Variants in COX15 observed in about 807,000 individuals in gnomAD.
COX15 encodes the protein heme A synthase COX15.
COX15 carries 51 observed loss-of-function variants against 51.9 expected under a neutral mutation model. The ratio of observed to expected loss-of-function variants is 0.98; its 90% CI spans 0.78 to 1.24. The LOEUF (loss-of-function observed/expected upper bound fraction) is 1.24. Ranked by LOEUF, COX15 falls within the 50% of genes most tolerant of loss-of-function variation. The pLI is 0.00. For missense variants in COX15, 420 were observed against 501.1 expected, an observed-to-expected ratio of 0.84 and a Z score of 1.55; for synonymous variants, 188 against 190.5, an observed-to-expected ratio of 0.99 and a Z score of 0.11.
chr10:99,704,796 C>T, the COX15 span: 2 of 990,566 alleles, frequency 2.0e-6, no homozygotes, highest in South Asian at 3.2e-5. Flanking sequence ...GGATATTTGC[C>T]CTTGGAATTT....
chr10:99,716,504 G>C (rs1356775961), intron 7 of COX15, 43 bp from the exon 8 acceptor site: 3 of 1,347,694 alleles, frequency 2.2e-6, no homozygotes, highest in Non-Finnish European at 3.2e-6. Context: ...AGAAGTGCCA[G>C]GTTTCTAACT....
At position 99,721,077 on chromosome 10, in the gene COX15, GA is replaced by G. The variant is rs781670775; in HGVS notation, c.751-10del. On this transcript the variant is annotated splice_polypyrimidine_tract_variant and intron_variant, in intron 5 of 8. Transcript: ENST00000016171. Reference sequence around the variant, plus strand: ...TGGTGGGTTTCAGGCAACTAAATATGAAAAAAAATCATTCAGTTAAACTGTG... The same window carrying G: ...TGGTGGGTTTCAGGCAACTAAATATGAAAAAAATCATTCAGTTAAACTGTG... 3.1e-6 allele frequency: 5 copies of G among 1,607,452 alleles called. No homozygotes were observed. The highest frequency in any genetic ancestry group is 1.1e-5 in the South Asian group (1 of 89,872).
chr10:99,721,692 A>G (rs1168015772), intron 5 of COX15, among the ~76,000 whole-genome samples: 11 of 152,168 alleles, frequency 7.2e-5, no homozygotes, highest in Non-Finnish European at 1.5e-5. Context: ...CATTACTAAC[A>G]TATTATAGGA....
the COX15 span, chr10:99,700,969 C>G: frequency 1.9e-6 from 3 of 1,612,528 alleles, no homozygotes; most frequent in Admixed American, 5.0e-5. Context: ...TGTGGTTGAT[C>G]CAGGATTACT....
the COX15 span, among the ~76,000 whole-genome samples, chr10:99,700,414 ATG>A: frequency 0.12 from 1,154 of 9,732 alleles, 7 homozygotes; most frequent in Admixed American, 0.18. Flanking sequence ...GTGTGTGTGT[ATG>A]TGTGTGTGTG....
rs563298438 is a variant in COX15 at position 99,722,350 on chromosome 10, G to C, written c.751-1282C>G. ...TAAGAGTACAATTTCAGTAGCAAGA[G>C]TGTGTGGGTTTATGTGTAAGTGTGG... On this transcript the variant is annotated intron_variant, in intron 5 of 8. Coordinates refer to ENST00000016171, the MANE Select transcript of COX15 (RefSeq NM_078470.6). Among the ~76,000 whole-genome samples the C allele has an allele frequency of 5.3e-5, 8 of 152,258 alleles. No individual in the cohort carries two copies. In the South Asian group the frequency reaches 1.7e-3, roughly 32 times the overall value.
the COX15 span, among the ~76,000 whole-genome samples, chr10:99,703,169 G>A: frequency 8.5e-5 from 13 of 152,324 alleles, no homozygotes; most frequent in African/African-American, 3.1e-4. Flanking sequence ...TGTTTTTAGT[G>A]GGGCTACTTT....
chr10:99,695,876 C>A, the COX15 span: 1 of 1,332,210 alleles, frequency 7.5e-7, no homozygotes, highest in South Asian at 1.5e-5. Context: ...GAAATGAAGC[C>A]TCGTGTATTA....
At chr10:99,704,480 G>C in the COX15 span, 1 of 1,614,176 alleles carries the variant, frequency 6.2e-7, no homozygotes, top group East Asian at 2.2e-5. Context: ...TGTCCGACAA[G>C]CCCATGGTAG....
At chr10:99,725,215 C>G (rs1021962556) in intron 4 of COX15, among the ~76,000 whole-genome samples, 4 of 152,192 alleles carry the variant, frequency 2.6e-5, no homozygotes, top group African/African-American at 9.6e-5. Context: ...GTGGACTCTG[C>G]CACTTCTAAA....
the COX15 span, among the ~76,000 whole-genome samples, chr10:99,703,026 A>C: frequency 6.6e-6 from 1 of 152,230 alleles, no homozygotes; most frequent in Non-Finnish European, 1.5e-5. Flanking sequence ...TTACCCTGGA[A>C]AACACATCTG....
intron 2 of COX15, among the ~76,000 whole-genome samples, chr10:99,728,856 C>T (rs192159013): frequency 7.2e-4 from 109 of 152,316 alleles, no homozygotes; most frequent in Non-Finnish European, 1.4e-3. Context: ...GTGTCTAAAT[C>T]TATAGTCTCT....
At chr10:99,701,433 A>G in the COX15 span, among the ~76,000 whole-genome samples, 2 of 151,718 alleles carry the variant, frequency 1.3e-5, no homozygotes, top group African/African-American at 4.8e-5. Flanking sequence ...GACTATAGGC[A>G]CGTGCCACCA....
downstream of COX15, among the ~76,000 whole-genome samples, chr10:99,708,570 G>C (rs1055768290): frequency 1.3e-5 from 2 of 152,154 alleles, no homozygotes; most frequent in Non-Finnish European, 2.9e-5. Flanking sequence ...AGAAGACAAG[G>C]TAGAAAAATC....
Position 99,718,437 on chromosome 10 carries a change from G to A in COX15, c.896C>T (p.Ser299Phe), listed in dbSNP as rs1167592439. The A allele has an allele frequency of 4.3e-6, 7 of 1,614,096 alleles. No individual in the cohort carries two copies. Among genetic ancestry groups the A allele is most frequent in the Non-Finnish European group, 5.9e-6 (7 of 1,179,998 alleles). The change falls in exon 7 of 9, where the codon TCC becomes TTC. Residue 299 changes from serine to phenylalanine, a missense_variant. By Grantham distance (155) the Ser-to-Phe change is radical (BLOSUM62 -2). Transcript: ENST00000016171. ...GGTAAAGAGGTCCTCCGGGATCCAG[G>A]ATTCTCCCATTTTGGGAAAGGAGTT... ...VYNSFPKMGESWIPEDLFTFS... is the reference protein window; with the variant it reads ...VYNSFPKMGEFWIPEDLFTFS...
chr10:99,697,528 T>C, the COX15 span: 13 of 158,536 alleles, frequency 8.2e-5, no homozygotes, highest in African/African-American at 2.6e-4. Flanking sequence ...GTCACCTACA[T>C]CAGGTGACTG....
chr10:99,724,250 T>C (rs2036874543), intron 4 of COX15, 127 bp from the exon 5 acceptor site: 1 of 1,050,718 alleles, frequency 9.5e-7, no homozygotes, highest in South Asian at 1.3e-5. Flanking sequence ...TGGCGGGATC[T>C]TGGCTCACTG....
the COX15 span, among the ~76,000 whole-genome samples, chr10:99,694,361 G>A: frequency 2.0e-5 from 3 of 152,074 alleles, no homozygotes; most frequent in East Asian, 5.8e-4. Flanking sequence ...CGTGGTATGG[G>A]TATTTCATTC....
Position 99,719,971 on chromosome 10 carries a change from GCC to G in COX15, c.832+1014_832+1015del, listed in dbSNP as rs369699859. Reference sequence around the variant, plus strand: ...TATATTTGTGCCAACCAATATACTAGCCCCTAGCCACATGTGCCTGTGGAGCA... The same window carrying G: ...TATATTTGTGCCAACCAATATACTAGCCTAGCCACATGTGCCTGTGGAGCA... On this transcript the variant is annotated intron_variant, in intron 6 of 8. Transcript: ENST00000016171. Among the ~76,000 whole-genome samples the G allele has an allele frequency of 2.2e-4, 33 of 152,312 alleles. 2 individuals are homozygous for G. The East Asian group carries it at 6.4e-3, about 29-fold the overall frequency.
Sources: gnomAD v4.1 joint callset for allele counts (sites outside exome capture counted in the v4.1 genomes callset) on GRCh38, gnomAD v4.1.1 for gene constraint, MANE v1.5 for transcripts, NCBI Gene and HGNC (gene_info 2026-07-23, HGNC 2026-07-21) for gene names.